The following MAST3 variants were observed in gnomAD, a reference collection of about 807,000 sequenced individuals.
MAST3 encodes the protein microtubule-associated serine/threonine-protein kinase 3.
In MAST3, 43 loss-of-function variants were observed where a neutral mutation model predicts 127.0. The ratio of observed to expected loss-of-function variants is 0.34; its 90% CI spans 0.27 to 0.44. The LOEUF (loss-of-function observed/expected upper bound fraction) is 0.44. MAST3 is among the 20% of genes least tolerant of loss of function. MAST3 has a pLI of 1.00. For missense variants in MAST3, 1,390 were observed against 1,919.1 expected (o/e 0.72, Z 5.15); for synonymous variants, 785 against 809.2 (o/e 0.97, Z 0.51).
In MAST3 at chr19:18,148,068, G is replaced by A. The variant is rs544847214; in HGVS notation, c.3508+444G>A. ...TGTAATCCCAGCACTTTGGGAGGCC[G>A]AGGCAGGTGGATCACCTGAGGTCGG... On this transcript the variant is annotated intron_variant, in intron 27 of 27. Coordinates refer to ENST00000687212, the MANE Select transcript of MAST3 (RefSeq NM_001393504.1). Among the ~76,000 whole-genome samples, 20 of 152,030 alleles carry A rather than the reference G, an allele frequency of 1.3e-4. No homozygotes were observed. In the South Asian group the frequency reaches 2.3e-3, roughly 17 times the overall value.
chr19:18,125,846 G>A (rs1217694869), intron 11 of MAST3, among the ~76,000 whole-genome samples: 1 of 151,506 alleles, frequency 6.6e-6, no homozygotes, highest in Non-Finnish European at 1.5e-5. Flanking sequence ...GATCACTTGA[G>A]GTCAGGAATT....
chr19:18,120,198 A>G (rs2039800049), intron 3 of MAST3, among the ~76,000 whole-genome samples: 1 of 152,112 alleles, frequency 6.6e-6, no homozygotes, highest in Non-Finnish European at 1.5e-5. Context: ...ACTGTGAAAG[A>G]GGTTGCATTT....
Position 18,121,813 on chromosome 19 carries a change from CT to C in MAST3, c.251-39del, listed in dbSNP as rs578126414. On this transcript the variant is annotated intron_variant, in intron 4 of 27. Coordinates refer to ENST00000687212, the MANE Select transcript of MAST3 (RefSeq NM_001393504.1). ...AGCCAGCGGGTGCTGTGTCCTGCCTCTGCCCCGCTGACTCAGTTTCCCCGCC... is the reference window on the plus strand; with the variant it reads ...AGCCAGCGGGTGCTGTGTCCTGCCTCGCCCCGCTGACTCAGTTTCCCCGCC... The C allele has an allele frequency of 4.6e-5, 74 of 1,613,834 alleles. 1 individual carries two copies. In the African/African-American group the frequency reaches 6.5e-4, roughly 14 times the overall value.
rs2038768448 is a variant in MAST3 at position 18,112,634 on chromosome 19, C to G, written c.161+1893C>G. Among the ~76,000 whole-genome samples, 1 of 152,164 alleles carries G rather than the reference C, an allele frequency of 6.6e-6. No individual in the cohort carries two copies. Among genetic ancestry groups the G allele is most frequent in the Non-Finnish European group, 1.5e-5 (1 of 68,030 alleles). On this transcript the variant is annotated intron_variant, in intron 3 of 27. Transcript: ENST00000687212. The surrounding 1 kb of genome is among the most constrained non-coding windows in gnomAD (Gnocchi z 4.1). The stretch of plus-strand genomic sequence containing the variant: ...ACAGGCATGAACCACCAAGCCTGGC[C>G]TAATGTTTGTATTTTTAGTAGAGGT...
At chr19:18,101,498 A>C (rs2037617089) in intron 1 of MAST3, among the ~76,000 whole-genome samples, 1 of 150,866 alleles carries the variant, frequency 6.6e-6, no homozygotes, top group Non-Finnish European at 1.5e-5. Flanking sequence ...GCTGAGTCTC[A>C]CCTCCCTTTG....
At chr19:18,116,907 C>G (rs1363127275) in intron 3 of MAST3, among the ~76,000 whole-genome samples, 4 of 70,156 alleles carry the variant, frequency 5.7e-5, no homozygotes, top group Non-Finnish European at 1.2e-4. Flanking sequence ...GAGCGAAACT[C>G]TGTCTCAAAA....
intron 1 of MAST3, among the ~76,000 whole-genome samples, chr19:18,098,373 A>AT (rs1235113983): frequency 5.5e-5 from 7 of 126,306 alleles, no homozygotes; most frequent in Non-Finnish European, 1.1e-4. Context: ...CTGGGATTCG[A>AT]TCTGCGCCCT....
At chr19:18,116,189 G>A (rs943621859) in intron 3 of MAST3, among the ~76,000 whole-genome samples, 1 of 135,776 alleles carries the variant, frequency 7.4e-6, no homozygotes, top group Non-Finnish European at 1.5e-5. Flanking sequence ...CACCTCCCGG[G>A]TACAAGTGAT....
intron 11 of MAST3, among the ~76,000 whole-genome samples, chr19:18,126,349 A>T (rs1435491573): frequency 6.6e-6 from 1 of 152,212 alleles, no homozygotes; most frequent in African/African-American, 2.4e-5. Context: ...GCAGTGTTCA[A>T]ACTGAGGCCT....
chr19:18,142,042 G>T, intron 21 of MAST3, 27 bp downstream of exon 21: 1 of 1,416,600 alleles, frequency 7.1e-7, no homozygotes, highest in Non-Finnish European at 9.3e-7. Flanking sequence ...AGTGTAGGCA[G>T]ATCCAGCTTC....
intron 3 of MAST3, among the ~76,000 whole-genome samples, chr19:18,115,289 C>T (rs2039094472): frequency 6.6e-6 from 1 of 151,968 alleles, no homozygotes; most frequent in Non-Finnish European, 1.5e-5. Flanking sequence ...AAACTGAGGA[C>T]AAATGAGCAT....
At chr19:18,131,774 G>A in intron 14 of MAST3, 135 bp from the exon 15 acceptor site, 1 of 928,368 alleles carries the variant, frequency 1.1e-6, no homozygotes, top group Admixed American at 2.1e-5. Context: ...GACCCTCCCC[G>A]CTGAGATAGA....
rs740691 is a variant in MAST3 at position 18,123,631 on chromosome 19, C to T, written c.609C>T (p.His203=). ...ACAATGAGATTGTCATGATGAATCA[C>T]GTGTACCGGGAGAGGTTCCCCAAGG... ...TFDNEIVMMN[H]VYRERFPKAT... Residue 203 remains histidine (H), a synonymous_variant, in exon 8 of 28, where the codon CAC becomes CAT. Coordinates refer to ENST00000687212, the MANE Select transcript of MAST3 (RefSeq NM_001393504.1). 0.53 allele frequency: 847,856 copies of T among 1,585,874 alleles called. 228,441 individuals carry two copies. The highest frequency in any genetic ancestry group is 0.68 in the East Asian group (30,048 of 44,364).
intron 11 of MAST3, 80 bp from the exon 12 acceptor site, chr19:18,128,320 T>C: frequency 1.7e-6 from 2 of 1,199,358 alleles, no homozygotes; most frequent in Non-Finnish European, 2.4e-6. Context: ...GGGTGAGAAC[T>C]CTAGAGGCCT....
chr19:18,099,134 C>A (rs1259830741), intron 1 of MAST3, among the ~76,000 whole-genome samples: 1 of 151,684 alleles, frequency 6.6e-6, no homozygotes, highest in Non-Finnish European at 1.5e-5. Context: ...GGAATGGGGC[C>A]GGCGGGTCTC....
chr19:18,121,994 T>C, intron 5 of MAST3, 72 bp downstream of exon 5: 2 of 1,567,198 alleles, frequency 1.3e-6, no homozygotes, highest in South Asian at 1.1e-5. Flanking sequence ...ACGTGCTCGG[T>C]GGCTAGACCT....
At chr19:18,113,217 T>C (rs1187576225) in intron 3 of MAST3, among the ~76,000 whole-genome samples, 1 of 151,872 alleles carries the variant, frequency 6.6e-6, no homozygotes, top group East Asian at 1.9e-4. Flanking sequence ...GGTCCCTGCC[T>C]GCCATGTTCC....
rs145258305 is a variant in MAST3, at chr19:18,099,903, G to A, written c.39+2072G>A. Among the ~76,000 whole-genome samples, 1,070 of 152,276 alleles carry A rather than the reference G, an allele frequency of 7.0e-3. 7 individuals are homozygous for A. Among genetic ancestry groups the A allele is most frequent in the Non-Finnish European group, 0.01 (707 of 68,020 alleles). On this transcript the variant is annotated intron_variant, in intron 1 of 27. Coordinates refer to ENST00000687212, the MANE Select transcript of MAST3 (RefSeq NM_001393504.1). ...GAAGAGGTTAGACTTTCCCCCTAGGGTGATGGGGAGCTATGGAAGGTGCTG... is the reference window on the plus strand; with the variant it reads ...GAAGAGGTTAGACTTTCCCCCTAGGATGATGGGGAGCTATGGAAGGTGCTG...
chr19:18,123,178 G>A (rs564434319), intron 6 of MAST3, 39 bp from the exon 7 acceptor site: 13 of 1,610,244 alleles, frequency 8.1e-6, no homozygotes, highest in Admixed American at 6.7e-5. Flanking sequence ...CAGCACTGAC[G>A]GTGAACTCAT....
Sources: allele counts gnomAD v4.1 joint callset (sites outside exome capture counted in the v4.1 genomes callset), GRCh38; gene constraint gnomAD v4.1.1; non-coding constraint Gnocchi (gnomAD v3.1); transcripts MANE v1.5; gene names NCBI Gene and HGNC (gene_info 2026-07-23, HGNC 2026-07-21).